GRID2: variants seen among roughly 807,000 people sequenced by gnomAD.
GRID2 encodes the protein glutamate ionotropic receptor delta type subunit 2.
GRID2 carries 33 observed loss-of-function variants against 114.8 expected under a neutral mutation model. That is an observed-to-expected ratio of 0.29 (90% CI 0.22 to 0.38). The LOEUF is 0.38. Among genes scored for constraint, GRID2 ranks in the 10% least tolerant of loss-of-function variants. GRID2 has a pLI of 1.00. For synonymous variants in GRID2, 505 were observed against 449.9 expected, an observed-to-expected ratio of 1.12 and a Z score of -1.55; for missense variants, 1,184 against 1,257.7, an observed-to-expected ratio of 0.94 and a Z score of 0.89.
chr4:92,942,955 G>A (rs1427968878), intron 2 of GRID2, among the ~76,000 whole-genome samples: 4 of 152,158 alleles, frequency 2.6e-5, no homozygotes, highest in African/African-American at 4.8e-5. Context: ...ATTCTGATGG[G>A]CTTCCCGTTG....
intron 1 of GRID2, among the ~76,000 whole-genome samples, chr4:92,368,244 A>T (rs1189223836): frequency 3.3e-5 from 5 of 152,036 alleles, no homozygotes; most frequent in African/African-American, 7.2e-5. Flanking sequence ...AGCAGTCTAG[A>T]GCTGTATTCC....
chr4:92,748,010 T>C (rs1394112929), intron 2 of GRID2, among the ~76,000 whole-genome samples: 1 of 152,194 alleles, frequency 6.6e-6, no homozygotes, highest in Admixed American at 6.5e-5. Flanking sequence ...GTAGTCTTGT[T>C]TCTCTGTTTC....
At chr4:93,033,386 TAG>T (rs1392860117) in intron 2 of GRID2, among the ~76,000 whole-genome samples, 2 of 152,170 alleles carry the variant, frequency 1.3e-5, no homozygotes, top group Admixed American at 6.6e-5. Context: ...ATACCAAACA[TAG>T]AGTTTCGGTT....
At chr4:93,766,228 A>G (rs554506228) in intron 14 of GRID2, among the ~76,000 whole-genome samples, 4 of 152,188 alleles carry the variant, frequency 2.6e-5, no homozygotes, top group Non-Finnish European at 4.4e-5. Flanking sequence ...TGCTATGAAG[A>G]AATACCCAAG....
intron 8 of GRID2, among the ~76,000 whole-genome samples, chr4:93,239,328 GCTAT>G (rs146641621): frequency 0.053 from 7,947 of 148,724 alleles, 370 homozygotes; most frequent in African/African-American, 0.12. Flanking sequence ...ATTTGGATTT[GCTAT>G]CTATCTATCT....
intron 13 of GRID2, among the ~76,000 whole-genome samples, chr4:93,555,227 C>A (rs1463294613): frequency 6.6e-6 from 1 of 151,980 alleles, no homozygotes; most frequent in African/African-American, 2.4e-5. Context: ...TTTTTCATAC[C>A]CCAGTGGCAA....
chr4:93,296,945 A>T (rs1754370106), intron 8 of GRID2, among the ~76,000 whole-genome samples: 2 of 152,182 alleles, frequency 1.3e-5, no homozygotes, highest in Non-Finnish European at 2.9e-5. Flanking sequence ...TTGTATTCCA[A>T]AACTTTGAAT....
At position 92,941,867 on chromosome 4, in the gene GRID2, A is replaced by G. The variant is rs572230204; in HGVS notation, c.245-143128A>G. 3.9e-5 allele frequency among the ~76,000 whole-genome samples: 6 copies of G among 152,236 alleles called. No homozygotes were observed. In the East Asian group the frequency reaches 7.7e-4, roughly 20 times the overall value. On this transcript the variant is annotated intron_variant, in intron 2 of 15. Transcript: ENST00000282020. ...GGAGCAGGTTGCTCAATTTCCATGT[A>G]GTTGAGTGGTTTTGAGTGACTTTCT...
At chr4:93,148,321 CA>C (rs1736437270) in intron 4 of GRID2, among the ~76,000 whole-genome samples, 16 of 152,220 alleles carry the variant, frequency 1.1e-4, no homozygotes, top group South Asian at 2.1e-4. Flanking sequence ...AACACTCATA[CA>C]CTGAGACCTT....
chr4:93,486,730 C>T (rs192262862), intron 11 of GRID2, among the ~76,000 whole-genome samples: 9 of 151,720 alleles, frequency 5.9e-5, no homozygotes, highest in Non-Finnish European at 1.2e-4. Flanking sequence ...TGCAGTTCTC[C>T]GTTTGCTAAT....
chr4:93,337,819 A>G (rs1384092299), intron 8 of GRID2, among the ~76,000 whole-genome samples: 8 of 152,168 alleles, frequency 5.3e-5, no homozygotes, highest in Non-Finnish European at 1.0e-4. Context: ...TTACATGCAA[A>G]CTTTTTAAAA....
rs184704973 is a variant in GRID2 at position 92,304,504 on chromosome 4, G to A, written c.-153G>A. 1.1e-3 allele frequency: 682 copies of A among 639,608 alleles called. 3 individuals carry two copies. Among genetic ancestry groups the A allele is most frequent in the African/African-American group, 0.011 (574 of 54,136 alleles). 39.6% of individuals were successfully genotyped at this position (639,608 alleles called of 1,614,324 possible). ...TCTGTCATTCCCTTCTGCCTTTCTC[G>A]GCGACGATAAAAGGCTTTGCTCTGG... On this transcript the variant is annotated 5_prime_UTR_variant, in exon 1 of 16. Coordinates refer to ENST00000282020, the MANE Select transcript of GRID2 (RefSeq NM_001510.4).
chr4:92,827,596 A>AT lies in GRID2; in HGVS notation c.244+237317dup, dbSNP rs1394752832. ...TTTTAATCATATTATCTTAAATATG[A>AT]TTTTTTTCTCCAGCCAAGACACCAA... On this transcript the variant is annotated intron_variant, in intron 2 of 15. Transcript: ENST00000282020. Among the ~76,000 whole-genome samples, 5 of 151,994 alleles carry AT rather than the reference A, an allele frequency of 3.3e-5. No individual in the cohort carries two copies. The East Asian group carries it at 9.7e-4, about 29-fold the overall frequency.
chr4:93,522,343 A>C (rs933643985), intron 13 of GRID2, among the ~76,000 whole-genome samples: 6 of 152,204 alleles, frequency 3.9e-5, no homozygotes, highest in Non-Finnish European at 8.8e-5. Context: ...GTAAACTACT[A>C]AAATATAATA....
At chr4:93,312,612 C>G (rs1007604265) in intron 8 of GRID2, among the ~76,000 whole-genome samples, 14 of 152,196 alleles carry the variant, frequency 9.2e-5, no homozygotes, top group African/African-American at 3.4e-4. Flanking sequence ...CCTGAAATGA[C>G]TATTTCAAAA....
In GRID2 at chr4:92,304,442, C is replaced by T; in HGVS notation, c.-215C>T. On this transcript the variant is annotated 5_prime_UTR_variant, in exon 1 of 16. The change creates a new upstream start codon in the 5' untranslated region. Transcript: ENST00000282020. Reference sequence around the variant, plus strand: ...TGCCAAAATTCCCCTCCAAGTGACACGGCTTTGCGAAGGAGGTTTCCTCAG... The same window carrying T: ...TGCCAAAATTCCCCTCCAAGTGACATGGCTTTGCGAAGGAGGTTTCCTCAG... 3.4e-6 allele frequency: 2 copies of T among 593,650 alleles called. No homozygotes were observed. Among genetic ancestry groups the T allele is most frequent in the Non-Finnish European group, 5.9e-6 (2 of 336,416 alleles). 36.8% of individuals were successfully genotyped at this position (593,650 alleles called of 1,614,324 possible).
At chr4:92,650,217 T>A (rs1054828527) in intron 2 of GRID2, among the ~76,000 whole-genome samples, 1 of 152,148 alleles carries the variant, frequency 6.6e-6, no homozygotes, top group African/African-American at 2.4e-5. Flanking sequence ...TTCTCATTAC[T>A]TTAGCAAGTC....
chr4:92,690,827 C>A (rs533437344), intron 2 of GRID2, among the ~76,000 whole-genome samples: 199 of 151,602 alleles, frequency 1.3e-3, no homozygotes, highest in East Asian at 3.5e-3. Context: ...AAAAAAAAAA[C>A]CAACCAAAAA....
At chr4:93,786,476 G>A (rs567217532) in intron 1 of GRID2, among the ~76,000 whole-genome samples, 2 of 152,280 alleles carry the variant, frequency 1.3e-5, no homozygotes, top group South Asian at 4.1e-4. Context: ...GTTTTGAAAA[G>A]GTAAAAAGGA....
Sources: gnomAD v4.1 joint callset for allele counts (sites outside exome capture counted in the v4.1 genomes callset) on GRCh38, gnomAD v4.1.1 for gene constraint, MANE v1.5 for transcripts, NCBI Gene and HGNC (gene_info 2026-07-23, HGNC 2026-07-21) for gene names.